The following CENPW variants were observed in gnomAD, a reference collection of about 807,000 sequenced individuals.
CENPW encodes cancer-up-regulated gene 2 protein.
Under a neutral mutation model 11.1 loss-of-function variants are expected in CENPW, and 3 were observed. The ratio of observed to expected loss-of-function variants is 0.27; its 90% CI spans 0.12 to 0.70. The LOEUF is 0.70. Ranked by LOEUF, CENPW falls within the 30% of genes least tolerant of loss-of-function variation. CENPW has a pLI of 0.77. For synonymous variants in CENPW, 38 were observed against 42.0 expected, an observed-to-expected ratio of 0.91 and a Z score of 0.37; for missense variants, 100 against 105.6, an observed-to-expected ratio of 0.95 and a Z score of 0.23.
At chr6:126,406,825 C>T in the CENPW span, among the ~76,000 whole-genome samples, 1 of 151,516 alleles carries the variant, frequency 6.6e-6, no homozygotes, top group African/African-American at 2.4e-5. Context: ...GCACTCCAGC[C>T]TTGGTGACAG....
At chr6:126,391,824 G>A in the CENPW span, among the ~76,000 whole-genome samples, 3 of 151,852 alleles carry the variant, frequency 2.0e-5, no homozygotes, top group Non-Finnish European at 4.4e-5. Flanking sequence ...TGTTCCACTG[G>A]CCCATATGTC....
chr6:126,349,700 C>A (rs1316820679), downstream of CENPW, among the ~76,000 whole-genome samples: 1 of 152,106 alleles, frequency 6.6e-6, no homozygotes, highest in African/African-American at 2.4e-5. Context: ...TATAACTATT[C>A]ACTTAAATTG....
At chr6:126,378,040 A>G in the CENPW span, among the ~76,000 whole-genome samples, 1 of 152,194 alleles carries the variant, frequency 6.6e-6, no homozygotes, top group Non-Finnish European at 1.5e-5. Flanking sequence ...CGCATCTTTA[A>G]AACTCCAAAT....
the CENPW span, among the ~76,000 whole-genome samples, chr6:126,458,544 C>T: frequency 3.1e-4 from 47 of 151,388 alleles, no homozygotes; most frequent in African/African-American, 1.1e-3. Flanking sequence ...CATAGGTGAG[C>T]TTTCCATGCC....
the CENPW span, among the ~76,000 whole-genome samples, chr6:126,390,188 C>A: frequency 6.6e-6 from 1 of 151,848 alleles, no homozygotes; most frequent in Non-Finnish European, 1.5e-5. Context: ...TACTGCAACC[C>A]GCCTAAAACC....
At chr6:126,418,237 C>T in the CENPW span, among the ~76,000 whole-genome samples, 8 of 152,308 alleles carry the variant, frequency 5.3e-5, no homozygotes, top group East Asian at 1.9e-4. Context: ...AGACAGTTCA[C>T]TCTTAGGATA....
chr6:126,438,242 C>T, the CENPW span, among the ~76,000 whole-genome samples: 1 of 151,602 alleles, frequency 6.6e-6, no homozygotes, highest in East Asian at 1.9e-4. Context: ...AAGGGCTTCT[C>T]TTATTATATA....
At chr6:126,404,953 T>G in the CENPW span, among the ~76,000 whole-genome samples, 9 of 151,916 alleles carry the variant, frequency 5.9e-5, no homozygotes, top group Admixed American at 5.9e-4. Context: ...ATTCTGCAGG[T>G]TGTCTTTTCA....
At chr6:126,434,129 C>G in the CENPW span, among the ~76,000 whole-genome samples, 896 of 152,146 alleles carry the variant, frequency 5.9e-3, 7 homozygotes, top group Non-Finnish European at 0.01. Flanking sequence ...CTACATGTTC[C>G]CATATGTGTT....
At chr6:126,382,219 G>A in the CENPW span, among the ~76,000 whole-genome samples, 8 of 151,618 alleles carry the variant, frequency 5.3e-5, no homozygotes, top group South Asian at 4.2e-4. Context: ...CCTGGGTGAC[G>A]AGCGAAAATC....
the CENPW span, among the ~76,000 whole-genome samples, chr6:126,365,936 T>A: frequency 4.6e-5 from 7 of 152,236 alleles, no homozygotes; most frequent in Non-Finnish European, 8.8e-5. Context: ...AGCAGTTTGT[T>A]CTTAGTGGGC....
intron 1 of CENPW, among the ~76,000 whole-genome samples, chr6:126,344,815 A>G (rs1330831885): frequency 2.6e-5 from 4 of 152,218 alleles, no homozygotes; most frequent in Admixed American, 2.6e-4. Context: ...AAGCATTAAA[A>G]CACCACATTA....
chr6:126,373,849 T>C, the CENPW span, among the ~76,000 whole-genome samples: 1 of 151,912 alleles, frequency 6.6e-6, no homozygotes. Context: ...GTTTGGGGAG[T>C]GGGATAGAAT....
chr6:126,442,465 A>G, the CENPW span, among the ~76,000 whole-genome samples: 1 of 151,450 alleles, frequency 6.6e-6, no homozygotes, highest in Non-Finnish European at 1.5e-5. Flanking sequence ...CACAATCTAT[A>G]CATCCAGCAT....
the CENPW span, among the ~76,000 whole-genome samples, chr6:126,371,677 C>CT: frequency 6.6e-6 from 1 of 152,072 alleles, no homozygotes; most frequent in African/African-American, 2.4e-5. Flanking sequence ...CTTTGAATGT[C>CT]TGATAGAATT....
intron 1 of CENPW, among the ~76,000 whole-genome samples, chr6:126,343,776 G>A (rs767691545): frequency 1.3e-5 from 2 of 152,158 alleles, no homozygotes; most frequent in Non-Finnish European, 2.9e-5. Flanking sequence ...AGCCATGCTG[G>A]CAGCTGATTA....
the CENPW span, among the ~76,000 whole-genome samples, chr6:126,427,410 G>A: frequency 1.3e-5 from 2 of 152,138 alleles, no homozygotes; most frequent in Non-Finnish European, 2.9e-5. Context: ...GATAGGATTT[G>A]AGCACCGTGT....
the CENPW span, among the ~76,000 whole-genome samples, chr6:126,478,217 C>T: frequency 6.6e-6 from 1 of 151,716 alleles, no homozygotes; most frequent in Non-Finnish European, 1.5e-5. Context: ...TTGAGTTTAC[C>T]CAGTCAGACA....
the CENPW span, among the ~76,000 whole-genome samples, chr6:126,415,409 G>A: frequency 6.6e-6 from 1 of 152,028 alleles, no homozygotes; most frequent in Non-Finnish European, 1.5e-5. Flanking sequence ...TTTAAATAAT[G>A]TAATAAAAAT....
Sources: gnomAD v4.1 joint callset for allele counts (sites outside exome capture counted in the v4.1 genomes callset) on GRCh38, gnomAD v4.1.1 for gene constraint, MANE v1.5 for transcripts, NCBI Gene and HGNC (gene_info 2026-07-23, HGNC 2026-07-21) for gene names.